PIH1D1: variants seen among roughly 807,000 people sequenced by gnomAD.
PIH1D1 encodes the protein PIH1 domain containing 1.
PIH1D1 carries 28 observed loss-of-function variants against 38.5 expected under a neutral mutation model. That is an observed-to-expected ratio of 0.73 (90% CI 0.54 to 1.00). The LOEUF is 1.00. Among genes scored for constraint, PIH1D1 ranks in the 50% least tolerant of loss-of-function variants. The pLI, the probability that PIH1D1 is intolerant of heterozygous loss-of-function variation, is 0.00. For synonymous variants in PIH1D1, 155 were observed against 153.5 expected (o/e 1.01, Z -0.07); for missense variants, 343 against 369.9 (o/e 0.93, Z 0.60).
At chr19:49,450,691 C>CCCCCCCCCTTT in intron 2 of PIH1D1, 91 bp downstream of exon 2, 3 of 718,202 alleles carry the variant, frequency 4.2e-6, no homozygotes, top group Non-Finnish European at 6.5e-6. Flanking sequence ...CACCCCCACC[C>CCCCCCCCCTTT]TAGGCCTTTA....
In PIH1D1 at chr19:49,446,638, G is replaced by A. The variant is rs780876091; in HGVS notation, c.744C>T (p.Gly248=). ...EIGENRLVMG[G]PQQLYHLDAY... is the part of the protein sequence containing the mutation. ...CGTCTAGATGATACAGCTGCTGGGG[G>A]CCCCCCATCACCAGGCGGTTCTCCC... is the stretch of plus-strand genomic sequence containing the variant. The change falls in exon 8 of 9, where the codon GGC becomes GGT. Residue 248 remains glycine, a synonymous_variant. Coordinates refer to ENST00000262265, the MANE Select transcript of PIH1D1 (RefSeq NM_017916.3). The A allele has an allele frequency of 2.5e-6, 4 of 1,605,862 alleles. No individual in the cohort carries two copies. Among genetic ancestry groups the A allele is most frequent in the Admixed American group, 3.4e-5 (2 of 58,840 alleles).
rs1376311171 is a variant in PIH1D1, at chr19:49,446,644, C to T, written c.738G>A (p.Met246Ile). 1.2e-6 allele frequency: 2 copies of T among 1,602,294 alleles called. No homozygotes were observed. Among genetic ancestry groups the T allele is most frequent in the African/African-American group, 2.7e-5 (2 of 74,422 alleles). Reference protein sequence around the residue: ...SLEIGENRLVMGGPQQLYHLD... With the variant: ...SLEIGENRLVIGGPQQLYHLD... ...GATGATACAGCTGCTGGGGGCCCCC[C>T]ATCACCAGGCGGTTCTCCCCGATCT... The change falls in exon 8 of 9, where the codon ATG becomes ATA. Residue 246 changes from methionine to isoleucine, a missense_variant. Transcript: ENST00000262265.
intron 2 of PIH1D1, 30 bp from the exon 3 acceptor site, chr19:49,449,684 C>T (rs2079046207): frequency 6.3e-7 from 1 of 1,579,000 alleles, no homozygotes; most frequent in Non-Finnish European, 8.7e-7. Context: ...CATGACAATC[C>T]TTTTCTGCAC....
At position 49,450,767 on chromosome 19, in the gene PIH1D1, G is replaced by A. The variant is rs762967778; in HGVS notation, c.157+15C>T. On this transcript the variant is annotated intron_variant, in intron 2 of 8. Transcript: ENST00000262265. ...CTGGGTCTCCTGTCCCTCTCTCTCCGGTGTCCTTTCTCACCAGGCTGAGGC... is the reference window on the plus strand; with the variant it reads ...CTGGGTCTCCTGTCCCTCTCTCTCCAGTGTCCTTTCTCACCAGGCTGAGGC... 2.0e-5 allele frequency: 31 copies of A among 1,536,630 alleles called. No individual in the cohort carries two copies. Among genetic ancestry groups the A allele is most frequent in the Middle Eastern group, 4.2e-4 (2 of 4,718 alleles).
intron 1 of PIH1D1, 180 bp from the exon 2 acceptor site, chr19:49,451,028 T>A (rs1408695416): frequency 3.2e-4 from 95 of 295,130 alleles, no homozygotes; most frequent in South Asian, 6.7e-4. Context: ...CCCATTTCTT[T>A]TTTTTTTTTT....
At position 49,447,483 on chromosome 19, in the gene PIH1D1, G is replaced by A. The variant is rs767049847; in HGVS notation, c.482-16C>T. On this transcript the variant is annotated splice_polypyrimidine_tract_variant and intron_variant, in intron 5 of 8. Transcript: ENST00000262265. ...ATGCGCCATTCTGAGGGTCAGGAGC[G>A]CCGTCAAACATCGTACAGGTCAGGG... The A allele has an allele frequency of 1.4e-5, 23 of 1,605,578 alleles. No homozygotes were observed. The highest frequency in any genetic ancestry group is 2.2e-5 in the South Asian group (2 of 91,076).
chr19:49,451,676 G>C lies in PIH1D1; in HGVS notation c.-102C>G, dbSNP rs1002988743. On this transcript the variant is annotated 5_prime_UTR_variant, in exon 1 of 9. It adds an upstream start codon to the 5' untranslated region. Transcript: ENST00000262265. ...CTGCTCTGGCCCTCAATCGACTCCG[G>C]ATACCTACTATCCTGTTCAAAAACC... 2.0e-6 allele frequency: 3 copies of C among 1,531,436 alleles called. No homozygotes were observed. The highest frequency in any genetic ancestry group is 8.7e-7 in the Non-Finnish European group (1 of 1,143,924). 94.9% of individuals were successfully genotyped at this position (1,531,436 alleles called of 1,614,324 possible).
intron 1 of PIH1D1, 47 bp downstream of exon 1, chr19:49,451,438 G>T: frequency 6.2e-7 from 1 of 1,609,594 alleles, no homozygotes; most frequent in East Asian, 2.2e-5. Flanking sequence ...TGAGCACCCC[G>T]CCAAAATCCC....
Position 49,450,818 on chromosome 19 carries a change from T to C in PIH1D1, c.121A>G (p.Thr41Ala). 6.2e-7 allele frequency: 1 copy of C among 1,613,428 alleles called. No homozygotes were observed. The highest frequency in any genetic ancestry group is 8.5e-7 in the Non-Finnish European group (1 of 1,179,916). ...TGGATTTGTGTCGATTCTGGTCTGGTTGTCTGGGCTTGCTGGAGCTCCTTC... is the reference window on the plus strand; with the variant it reads ...TGGATTTGTGTCGATTCTGGTCTGGCTGTCTGGGCTTGCTGGAGCTCCTTC... ...ASKELQQAQT[T>A]RPESTQIQPQ... Residue 41 changes from threonine to alanine, a missense_variant, in exon 2 of 9, where the codon ACC becomes GCC. Coordinates refer to ENST00000262265, the MANE Select transcript of PIH1D1 (RefSeq NM_017916.3).
chr19:49,451,581 G>A lies in PIH1D1; in HGVS notation c.-7C>T. ...GCAGCTTCGGGTTCGCCATGGCCCT[G>A]GGAAAGAGATCTAGGCGTCCTCGAG... On this transcript the variant is annotated 5_prime_UTR_variant, in exon 1 of 9. Transcript: ENST00000262265. The A allele has an allele frequency of 6.2e-7, 1 of 1,612,656 alleles. No individual in the cohort carries two copies. The highest frequency in any genetic ancestry group is 1.6e-4 in the Middle Eastern group (1 of 6,062).
chr19:49,449,600 T>C lies in PIH1D1; in HGVS notation c.212A>G (p.His71Arg). 1 of 1,613,842 alleles carries C rather than the reference T, an allele frequency of 6.2e-7. No individual in the cohort carries two copies. Among genetic ancestry groups the C allele is most frequent in the Middle Eastern group, 1.6e-4 (1 of 6,062 alleles). The change falls in exon 3 of 9, where the codon CAC becomes CGC. Residue 71 changes from histidine to arginine, a missense_variant. Physicochemically the swap from His to Arg is conservative, Grantham distance 29 (BLOSUM62 0). Transcript: ENST00000262265. ...SEGKVFINIC[H>R]SPSIPPPADV... ...GGCGGGAGGAGGGATAGAGGGGGAG[T>C]GGCAGATGTTGATGAAAACCTTCCC... is the stretch of plus-strand genomic sequence containing the variant.
chr19:49,447,232 TCTCA>T, intron 6 of PIH1D1, 102 bp downstream of exon 6: 2 of 1,532,712 alleles, frequency 1.3e-6, no homozygotes, highest in Non-Finnish European at 8.9e-7. Flanking sequence ...CTCCTCCCTC[TCTCA>T]GTGCCCAGGG....
Position 49,447,381 on chromosome 19 carries a change from G to T in PIH1D1, c.568C>A (p.Leu190Met). The T allele has an allele frequency of 6.2e-7, 1 of 1,613,842 alleles. No individual in the cohort carries two copies. Among genetic ancestry groups the T allele is most frequent in the Non-Finnish European group, 8.5e-7 (1 of 1,179,992 alleles). The change falls in exon 6 of 9, where the codon CTG (leucine) becomes ATG (methionine). Residue 190 changes from leucine (L) to methionine (M), a missense_variant. Transcript: ENST00000262265. ...GGGGCGGGCGTGTACAGGTCCCCCA[G>T]CTCCTGGATCCGAGGACGCTGCTCC... ...RSEQRPRIQE[L>M]GDLYTPAPGR...
chr19:49,447,179 A>T (rs1439694846), intron 6 of PIH1D1, 80 bp from the exon 7 acceptor site: 2 of 1,476,406 alleles, frequency 1.4e-6, no homozygotes, highest in African/African-American at 2.8e-5. Flanking sequence ...CCCTCCAACC[A>T]GCCCTATTGG....
At chr19:49,448,411 A>T (rs1294385459) in intron 3 of PIH1D1, 2 of 341,680 alleles carry the variant, frequency 5.9e-6, no homozygotes, top group African/African-American at 4.2e-5. Context: ...AGAAGACCTC[A>T]TTCTTCTAGC....
At chr19:49,448,129 A>G in intron 3 of PIH1D1, 67 bp from the exon 4 acceptor site, 1 of 1,500,386 alleles carries the variant, frequency 6.7e-7, no homozygotes, top group Non-Finnish European at 9.2e-7. Flanking sequence ...CCAGACCCAG[A>G]CAGGGAAGAA....
intron 6 of PIH1D1, 21 bp downstream of exon 6, chr19:49,447,317 G>A (rs369278332): frequency 2.6e-5 from 42 of 1,613,568 alleles, no homozygotes; most frequent in Admixed American, 3.3e-5. Flanking sequence ...ACATCAGACC[G>A]GGGATCTACC....
intron 5 of PIH1D1, 94 bp from the exon 6 acceptor site, chr19:49,447,561 G>A (rs2079032020): frequency 6.8e-7 from 1 of 1,463,520 alleles, no homozygotes. Context: ...CGGCTCACCA[G>A]GACTCTTGGG....
intron 2 of PIH1D1, 71 bp from the exon 3 acceptor site, chr19:49,449,725 C>T (rs1419021259): frequency 7.5e-7 from 1 of 1,327,858 alleles, no homozygotes; most frequent in African/African-American, 1.5e-5. Flanking sequence ...TGTCTCCAGG[C>T]TCTGTCTCTT....
Sources: allele counts gnomAD v4.1 joint callset, GRCh38; gene constraint gnomAD v4.1.1; transcripts MANE v1.5; gene names NCBI Gene and HGNC (gene_info 2026-07-23, HGNC 2026-07-21).